Variants in DNAJC15 observed in about 807,000 individuals in gnomAD.
DNAJC15 encodes the protein DnaJ heat shock protein family (Hsp40) member C15, also known as dnaJ homolog subfamily C member 15.
Under a neutral mutation model 22.4 loss-of-function variants are expected in DNAJC15, and 27 were observed. The observed-to-expected ratio is 1.20, with a 90% CI of 0.89 to 1.66. The LOEUF (loss-of-function observed/expected upper bound fraction) is 1.66. Among genes scored for constraint, DNAJC15 ranks in the 40% most tolerant of loss-of-function variants. DNAJC15 has a pLI of 0.00. For synonymous variants in DNAJC15, 79 were observed against 63.2 expected, an observed-to-expected ratio of 1.25 and a Z score of -1.19; for missense variants, 208 against 187.1, an observed-to-expected ratio of 1.11 and a Z score of -0.65.
intron 1 of DNAJC15, among the ~76,000 whole-genome samples, chr13:43,029,959 G>A (rs1210276223): frequency 6.6e-6 from 1 of 151,894 alleles, no homozygotes; most frequent in East Asian, 1.9e-4. Context: ...TTAGGGAAAT[G>A]TTATAGAATG....
intron 5 of DNAJC15, among the ~76,000 whole-genome samples, chr13:43,102,272 G>A (rs1329360423): frequency 3.3e-5 from 5 of 151,592 alleles, no homozygotes; most frequent in Non-Finnish European, 7.4e-5. Context: ...CTTTTTGATG[G>A]GATTATTTAT....
intron 1 of DNAJC15, among the ~76,000 whole-genome samples, chr13:43,039,692 A>AG (rs1245331742): frequency 6.6e-6 from 1 of 152,228 alleles, no homozygotes; most frequent in Non-Finnish European, 1.5e-5. Context: ...ATGTTAGAAA[A>AG]CAAAACTAAG....
At chr13:43,038,001 G>T (rs2040436509) in intron 1 of DNAJC15, among the ~76,000 whole-genome samples, 1 of 152,106 alleles carries the variant, frequency 6.6e-6, no homozygotes, top group Non-Finnish European at 1.5e-5. Flanking sequence ...ATATTTAATT[G>T]TTGATCCATA....
At chr13:43,106,904 C>T (rs2040799501) in intron 5 of DNAJC15, among the ~76,000 whole-genome samples, 1 of 151,614 alleles carries the variant, frequency 6.6e-6, no homozygotes, top group African/African-American at 2.4e-5. Context: ...GAATGTCTGA[C>T]CAGTGCAGTA....
intron 1 of DNAJC15, among the ~76,000 whole-genome samples, chr13:43,038,250 C>G (rs2040437503): frequency 6.6e-6 from 1 of 152,198 alleles, no homozygotes; most frequent in African/African-American, 2.4e-5. Context: ...CACATTGTCC[C>G]AATTTGCATT....
chr13:43,024,038 CAT>C (rs1257566007), intron 1 of DNAJC15, among the ~76,000 whole-genome samples: 1 of 152,216 alleles, frequency 6.6e-6, no homozygotes, highest in African/African-American at 2.4e-5. Flanking sequence ...TTTCCTATCT[CAT>C]AGGAGGCCCT....
chr13:43,083,815 G>A (rs903529532), intron 4 of DNAJC15, among the ~76,000 whole-genome samples: 14 of 152,120 alleles, frequency 9.2e-5, no homozygotes, highest in Non-Finnish European at 2.9e-5. Flanking sequence ...TATCTGGGAG[G>A]TACCTACAAG....
chr13:43,053,979 CT>C (rs1313201289), intron 1 of DNAJC15, among the ~76,000 whole-genome samples: 18 of 152,160 alleles, frequency 1.2e-4, no homozygotes, highest in Admixed American at 7.9e-4. Context: ...AGTGGGCATC[CT>C]TGTCTTGTTG....
chr13:43,093,015 A>G (rs972086402), intron 5 of DNAJC15, among the ~76,000 whole-genome samples: 1 of 152,268 alleles, frequency 6.6e-6, no homozygotes, highest in African/African-American at 2.4e-5. Context: ...CCACTCCTAA[A>G]GTAATACTGG....
intron 3 of DNAJC15, among the ~76,000 whole-genome samples, chr13:43,069,585 G>A (rs1297426960): frequency 6.6e-6 from 1 of 152,152 alleles, no homozygotes; most frequent in East Asian, 1.9e-4. Flanking sequence ...GTATGTATCC[G>A]TAAAAGCAAC....
chr13:43,100,614 CTAT>C (rs1166665480), intron 5 of DNAJC15, among the ~76,000 whole-genome samples: 1 of 152,098 alleles, frequency 6.6e-6, no homozygotes, highest in Non-Finnish European at 1.5e-5. Context: ...TTAATACATT[CTAT>C]TATTGTCGGA....
At chr13:43,081,541 C>T (rs2040661596) in intron 4 of DNAJC15, among the ~76,000 whole-genome samples, 2 of 151,904 alleles carry the variant, frequency 1.3e-5, no homozygotes, top group African/African-American at 4.8e-5. Flanking sequence ...CAGGTTCACG[C>T]CATTCTCCTG....
chr13:43,030,791 C>T (rs2153439410), intron 1 of DNAJC15, among the ~76,000 whole-genome samples: 1 of 152,226 alleles, frequency 6.6e-6, no homozygotes, highest in Non-Finnish European at 1.5e-5. Context: ...ACTTCTAGGG[C>T]CAAGCACAGC....
intron 1 of DNAJC15, among the ~76,000 whole-genome samples, chr13:43,051,809 G>A (rs2040505722): frequency 6.6e-6 from 1 of 152,168 alleles, no homozygotes; most frequent in Non-Finnish European, 1.5e-5. Flanking sequence ...GGATACCCAA[G>A]AGTGGGATTG....
Position 43,090,928 on chromosome 13 carries a change from T to C in DNAJC15, c.382+5090T>C, listed in dbSNP as rs9594883. On this transcript the variant is annotated intron_variant, in intron 5 of 5. Coordinates refer to ENST00000379221, the MANE Select transcript of DNAJC15 (RefSeq NM_013238.3). ...TTTCACTGTGTTAGCCAGGATGGTC[T>C]CCTGACATCGTGATCCACCCACCTT... 7.4e-3 allele frequency among the ~76,000 whole-genome samples: 1,119 copies of C among 152,070 alleles called. 5 individuals are homozygous for C. Among genetic ancestry groups the C allele is most frequent in the African/African-American group, 0.025 (1,053 of 41,490 alleles).
At chr13:43,061,432 C>T (rs1321276783) in intron 1 of DNAJC15, among the ~76,000 whole-genome samples, 1 of 152,132 alleles carries the variant, frequency 6.6e-6, no homozygotes, top group Non-Finnish European at 1.5e-5. Context: ...TTGTCCTGAG[C>T]GATGGGATCT....
chr13:43,111,218 A>G lies in DNAJC15; in HGVS notation c.*3970A>G, dbSNP rs2040823252. ...TCTTCAAAGCACTTTACTTTTTATG[A>G]AATATATTTTAGACATTCAGCAAAT... On this transcript the variant is annotated 3_prime_UTR_variant, in exon 6 of 6. Coordinates refer to ENST00000379221, the MANE Select transcript of DNAJC15 (RefSeq NM_013238.3). 1 of 152,336 alleles carries G rather than the reference A, an allele frequency of 6.6e-6. No individual in the cohort carries two copies. The highest frequency in any genetic ancestry group is 1.9e-4 in the East Asian group (1 of 5,192). The allele number at this position is 152,336 out of a possible 1,614,324, so 9.4% of individuals were successfully genotyped here.
intron 2 of DNAJC15, among the ~76,000 whole-genome samples, chr13:43,066,079 A>AT (rs955471539): frequency 9.2e-5 from 14 of 151,838 alleles, no homozygotes; most frequent in African/African-American, 3.4e-4. Flanking sequence ...TCCCATATTT[A>AT]TTTTTTCTTG....
At chr13:43,074,114 A>G (rs2040621702) in intron 3 of DNAJC15, among the ~76,000 whole-genome samples, 1 of 152,198 alleles carries the variant, frequency 6.6e-6, no homozygotes, top group African/African-American at 2.4e-5. Context: ...TAAATCAAAT[A>G]GATTATTGTA....
Sources: gnomAD v4.1 joint callset for allele counts (sites outside exome capture counted in the v4.1 genomes callset) on GRCh38, gnomAD v4.1.1 for gene constraint, MANE v1.5 for transcripts, NCBI Gene and HGNC (gene_info 2026-07-23, HGNC 2026-07-21) for gene names.